CCDC3: variants seen among roughly 807,000 people sequenced by gnomAD.
CCDC3 encodes coiled-coil domain-containing protein 3.
In CCDC3, 24 loss-of-function variants were observed where a neutral mutation model predicts 21.4. The observed-to-expected ratio is 1.12, with a 90% CI of 0.81 to 1.58. The LOEUF is 1.58. CCDC3 is among the 40% of genes most tolerant of loss of function. The pLI, the probability that CCDC3 is intolerant of heterozygous loss-of-function variation, is 0.00. For synonymous variants in CCDC3, 186 were observed against 166.0 expected, an observed-to-expected ratio of 1.12 and a Z score of -0.93; for missense variants, 425 against 360.9, an observed-to-expected ratio of 1.18 and a Z score of -1.44.
At chr10:12,950,951 G>C (rs1328974051) in intron 2 of CCDC3, among the ~76,000 whole-genome samples, 7 of 152,180 alleles carry the variant, frequency 4.6e-5, no homozygotes, top group Non-Finnish European at 1.0e-4. Context: ...GTCTGCAGTA[G>C]GGTGCGTCTG....
At chr10:12,936,289 C>T (rs1255246896) in intron 2 of CCDC3, among the ~76,000 whole-genome samples, 2 of 152,144 alleles carry the variant, frequency 1.3e-5, no homozygotes, top group Non-Finnish European at 2.9e-5. Flanking sequence ...TTCTTGCTTG[C>T]ATGGTGTCTG....
intron 2 of CCDC3, among the ~76,000 whole-genome samples, chr10:12,995,417 T>C (rs1215797332): frequency 6.6e-6 from 1 of 152,150 alleles, no homozygotes; most frequent in Non-Finnish European, 1.5e-5. Context: ...AATTTTTGTA[T>C]TTTTAGTAGA....
intron 2 of CCDC3, among the ~76,000 whole-genome samples, chr10:12,938,666 C>T (rs1564291054): frequency 1.3e-5 from 2 of 152,226 alleles, no homozygotes; most frequent in African/African-American, 2.4e-5. Context: ...GCTTGGCACA[C>T]AGAGCTATTT....
At chr10:12,907,228 T>C (rs1361845215) in intron 2 of CCDC3, among the ~76,000 whole-genome samples, 3 of 152,154 alleles carry the variant, frequency 2.0e-5, no homozygotes, top group Non-Finnish European at 4.4e-5. Flanking sequence ...GGGATGCAGG[T>C]TGAAATAGAA....
At chr10:13,086,903 C>G (rs1240429163) in intron 3 of CCDC3, among the ~76,000 whole-genome samples, 1 of 152,204 alleles carries the variant, frequency 6.6e-6, no homozygotes, top group African/African-American at 2.4e-5. Flanking sequence ...CAGATGCCTA[C>G]AAGCCCTGGG....
intron 2 of CCDC3, among the ~76,000 whole-genome samples, chr10:12,923,081 T>C (rs17501439): frequency 0.053 from 8,012 of 152,258 alleles, 235 homozygotes; most frequent in Non-Finnish European, 0.071. Context: ...CTTAGAAAGC[T>C]TCAGAACACA....
At position 13,001,668 on chromosome 10, in the gene CCDC3, T is replaced by G; in HGVS notation, c.-98A>C. Reference sequence around the variant, plus strand: ...CTGGGCGCTCGGCTGCTCGGGCCGCTCCCGGGAGCTGAGCGCACCGCTGTC... The same window carrying G: ...CTGGGCGCTCGGCTGCTCGGGCCGCGCCCGGGAGCTGAGCGCACCGCTGTC... On this transcript the variant is annotated 5_prime_UTR_variant, in exon 1 of 3. Coordinates refer to ENST00000378825, the MANE Select transcript of CCDC3 (RefSeq NM_031455.4). 1.2e-6 allele frequency: 1 copy of G among 810,772 alleles called. No homozygotes were observed. The highest frequency in any genetic ancestry group is 1.8e-5 in the African/African-American group (1 of 54,210). The allele number at this position is 810,772 out of a possible 1,614,324, so 50.2% of individuals were successfully genotyped here.
At position 12,907,659 on chromosome 10, in the gene CCDC3, AGAAGAT is replaced by A; in HGVS notation, c.550-8986_550-8981del. Reference sequence around the variant, plus strand: ...ACTCTGTCTCAAAGAAAAAGAAAAAAGAAGATTAGTTTTGACGATTTGTTCTGGTAA... The same window carrying A: ...ACTCTGTCTCAAAGAAAAAGAAAAAATAGTTTTGACGATTTGTTCTGGTAA... On this transcript the variant is annotated intron_variant, in intron 2 of 2. Coordinates refer to ENST00000378825, the MANE Select transcript of CCDC3 (RefSeq NM_031455.4). Among the ~76,000 whole-genome samples, 2 of 96,404 alleles carry A rather than the reference AGAAGAT, an allele frequency of 2.1e-5. 1 individual carries two copies. The highest frequency in any genetic ancestry group is 0.013 in the Middle Eastern group (2 of 160). 63.2% of individuals were successfully genotyped at this position (96,404 alleles called of 152,430 possible). A position where few individuals can be genotyped will look rare whatever the true frequency, so the allele number is the denominator to read the frequency against.
intron 2 of CCDC3, among the ~76,000 whole-genome samples, chr10:12,903,355 CT>C (rs1157207153): frequency 6.6e-6 from 1 of 152,174 alleles, no homozygotes. Context: ...ATGTGTGTTT[CT>C]TTAAGAAATG....
At chr10:13,074,833 C>T (rs559986388) in intron 3 of CCDC3, among the ~76,000 whole-genome samples, 10 of 152,238 alleles carry the variant, frequency 6.6e-5, no homozygotes, top group African/African-American at 2.4e-4. Flanking sequence ...GAGGAGAAAC[C>T]ATTTTATTGT....
chr10:13,082,177 G>A (rs1044208993), intron 3 of CCDC3, among the ~76,000 whole-genome samples: 12 of 152,150 alleles, frequency 7.9e-5, no homozygotes, highest in African/African-American at 2.9e-4. Context: ...GACTGATAGT[G>A]ACCCCAAATG....
intron 4 of CCDC3, among the ~76,000 whole-genome samples, chr10:13,072,306 A>C (rs1836893224): frequency 6.6e-6 from 1 of 152,130 alleles, no homozygotes. Flanking sequence ...TGTTTTCCCC[A>C]AAACAGTGCC....
At chr10:13,028,813 A>T (rs1357702235) in intron 5 of CCDC3, among the ~76,000 whole-genome samples, 1 of 152,196 alleles carries the variant, frequency 6.6e-6, no homozygotes, top group African/African-American at 2.4e-5. Context: ...CTAATAGTCA[A>T]ATCCACCAAA....
At chr10:12,932,623 C>T (rs897915695) in intron 2 of CCDC3, among the ~76,000 whole-genome samples, 20 of 152,078 alleles carry the variant, frequency 1.3e-4, no homozygotes, top group Admixed American at 7.2e-4. Context: ...TGTTTTATGT[C>T]GTCCTCCTCA....
intron 3 of CCDC3, among the ~76,000 whole-genome samples, chr10:13,091,751 C>A (rs1458568842): frequency 6.6e-6 from 1 of 150,394 alleles, no homozygotes; most frequent in Non-Finnish European, 1.5e-5. Flanking sequence ...AAATACATAA[C>A]CTTTTTTTGT....
rs1438832427 is a variant in CCDC3, at chr10:13,074,803, A to G, written c.-502-703T>C. 2.6e-5 allele frequency among the ~76,000 whole-genome samples: 4 copies of G among 152,126 alleles called. No individual in the cohort carries two copies. In the East Asian group the frequency reaches 5.8e-4, roughly 22 times the overall value. ...GTTAGACCTGTGTTCCTGTTATTCC[A>G]CAATATTACCACATTCCAGGAGGAG... On this transcript the variant is annotated intron_variant, in intron 3 of 6. Transcript: ENST00000378839.
chr10:12,935,526 A>AT (rs531805373), intron 2 of CCDC3, among the ~76,000 whole-genome samples: 1 of 151,886 alleles, frequency 6.6e-6, no homozygotes, highest in Non-Finnish European at 1.5e-5. Flanking sequence ...CTCTATTCCT[A>AT]TTTTTTACTT....
intron 3 of CCDC3, among the ~76,000 whole-genome samples, chr10:13,075,460 A>T: frequency 6.6e-6 from 1 of 150,948 alleles, no homozygotes. Flanking sequence ...TTTTTTTTCT[A>T]GACGTCCCAG....
At chr10:13,044,985 CTAACAA>C (rs1381624637) in intron 5 of CCDC3, among the ~76,000 whole-genome samples, 3 of 152,152 alleles carry the variant, frequency 2.0e-5, no homozygotes, top group Non-Finnish European at 2.9e-5. Context: ...TACATGACTT[CTAACAA>C]TGTTTCCCAT....
Sources: allele counts gnomAD v4.1 joint callset (sites outside exome capture counted in the v4.1 genomes callset), GRCh38; gene constraint gnomAD v4.1.1; transcripts MANE v1.5; gene names NCBI Gene and HGNC (gene_info 2026-07-23, HGNC 2026-07-21).